CTSB: variants seen among roughly 807,000 people sequenced by gnomAD.
CTSB encodes the protein cathepsin B, also known as APP secretase.
CTSB carries 57 observed loss-of-function variants against 44.3 expected under a neutral mutation model. The ratio of observed to expected loss-of-function variants is 1.29; its 90% confidence interval spans 1.04 to 1.60. CTSB has a LOEUF of 1.60. Among genes scored for constraint, CTSB ranks in the 40% most tolerant of loss-of-function variants. The pLI is 0.00. For missense variants in CTSB, 768 were observed against 443.0 expected, an observed-to-expected ratio of 1.73 and a Z score of -6.59; for synonymous variants, 320 against 168.0, an observed-to-expected ratio of 1.91 and a Z score of -7.00.
In CTSB at chr8:11,846,005, G is replaced by T. The variant is rs1388516245; in HGVS notation, c.794-216C>A. ...CACTCAAAGTTGTTGAGTAAATATT[G>T]AAATAGATTCCTACAAAATGTGCTT... On this transcript the variant is annotated intron_variant, in intron 8 of 9. Transcript: ENST00000353047. 4.0e-5 allele frequency: 16 copies of T among 397,604 alleles called. No individual in the cohort carries two copies. The East Asian group carries it at 5.2e-4, about 13-fold the overall frequency. The allele number at this position is 397,604 out of a possible 1,614,324, so 24.6% of individuals were successfully genotyped here.
chr8:11,848,021 T>C (rs772968220), intron 6 of CTSB, 46 bp downstream of exon 6: 11 of 1,495,286 alleles, frequency 7.4e-6, no homozygotes, highest in Middle Eastern at 1.9e-4. Flanking sequence ...GGTTAATTGC[T>C]CAAACAATCC....
At chr8:11,855,601 A>T (rs1815368440) in intron 1 of CTSB, among the ~76,000 whole-genome samples, 1 of 152,232 alleles carries the variant, frequency 6.6e-6, no homozygotes, top group East Asian at 1.9e-4. Flanking sequence ...GTCTCTTTAA[A>T]ACAAAAACTG....
At position 11,847,137 on chromosome 8, in the gene CTSB, C is replaced by T; in HGVS notation, c.708G>A (p.Glu236=). Residue 236 remains glutamate, a synonymous_variant, in exon 8 of 10, where the codon GAG becomes GAA. Coordinates refer to ENST00000353047, the MANE Select transcript of CTSB (RefSeq NM_001908.5). ...GYNSYSVSNS[E]KDIMAEIYKN... Reference sequence around the variant, plus strand: ...TGTAGATCTCGGCCATGATGTCCTTCTCGCTATTGGAGACGCTGTAGGAAT... The same window carrying T: ...TGTAGATCTCGGCCATGATGTCCTTTTCGCTATTGGAGACGCTGTAGGAAT... 2 of 1,601,044 alleles carry T rather than the reference C, an allele frequency of 1.2e-6. No individual in the cohort carries two copies. Among genetic ancestry groups the T allele is most frequent in the South Asian group, 1.1e-5 (1 of 90,314 alleles).
In CTSB at chr8:11,852,681, G is replaced by T; in HGVS notation, c.141C>A (p.Phe47Leu). Residue 47 changes from phenylalanine to leucine, a missense_variant, in exon 3 of 10, where the codon TTC (phenylalanine) becomes TTA (leucine). Physicochemically the swap from Phe to Leu is conservative, Grantham distance 22. Transcript: ENST00000353047. Reference protein sequence around the residue: ...RNTTWQAGHNFYNVDMSYLKR... With the variant: ...RNTTWQAGHNLYNVDMSYLKR... ...TCAAGTAGCTCATGTCCACGTTGTA[G>T]AAGTTGTGCCCGGCCTGGAAGAGAG... 1 of 1,614,060 alleles carries T rather than the reference G, an allele frequency of 6.2e-7. No homozygotes were observed. Among genetic ancestry groups the T allele is most frequent in the Non-Finnish European group, 8.5e-7 (1 of 1,180,040 alleles).
In CTSB at chr8:11,849,335, G is replaced by A. The variant is rs2131023179; in HGVS notation, c.328-171C>T. On this transcript the variant is annotated intron_variant, in intron 4 of 9. Transcript: ENST00000353047. ...AGCTTTTATTTTCTTTGGTAGAAATGGGGTCTTGCTACGTTGGCCAGACTG... is the reference window on the plus strand; with the variant it reads ...AGCTTTTATTTTCTTTGGTAGAAATAGGGTCTTGCTACGTTGGCCAGACTG... 9.7e-6 allele frequency: 5 copies of A among 513,116 alleles called. No individual in the cohort carries two copies. In the East Asian group the frequency reaches 1.0e-4, roughly 11 times the overall value. 31.8% of individuals were successfully genotyped at this position (513,116 alleles called of 1,614,324 possible). A position where few individuals can be genotyped will look rare whatever the true frequency, so the allele number is the denominator to read the frequency against.
rs1036505646 is a variant in CTSB, at chr8:11,848,969, A to G, written c.446+77T>C. The G allele has an allele frequency of 5.5e-6, 6 of 1,090,696 alleles. No individual in the cohort carries two copies. The African/African-American group carries it at 9.3e-5, about 17-fold the overall frequency. The allele number at this position is 1,090,696 out of a possible 1,614,324, so 67.6% of individuals were successfully genotyped here. The stretch of plus-strand genomic sequence containing the variant: ...CTCGCAGCAGTCCCAGGAAGTCCTC[A>G]AAGTCCCCTCCACTGAGAAGCTGGG... On this transcript the variant is annotated intron_variant, in intron 5 of 9. Transcript: ENST00000353047.
Position 11,852,671 on chromosome 8 carries a change from C to G in CTSB, c.151G>C (p.Asp51His), listed in dbSNP as rs1814807954. ...WQAGHNFYNVDMSYLKRLCGT... is the reference protein window; with the variant it reads ...WQAGHNFYNVHMSYLKRLCGT... Reference sequence around the variant, plus strand: ...CATAGCCTCTTCAAGTAGCTCATGTCCACGTTGTAGAAGTTGTGCCCGGCC... The same window carrying G: ...CATAGCCTCTTCAAGTAGCTCATGTGCACGTTGTAGAAGTTGTGCCCGGCC... Residue 51 changes from aspartate (D) to histidine (H), a missense_variant, in exon 3 of 10, where the codon GAC becomes CAC. Coordinates refer to ENST00000353047, the MANE Select transcript of CTSB (RefSeq NM_001908.5). The G allele has an allele frequency of 6.2e-7, 1 of 1,614,084 alleles. No homozygotes were observed. The highest frequency in any genetic ancestry group is 8.5e-7 in the Non-Finnish European group (1 of 1,180,032).
At chr8:11,864,317 C>CGAA (rs1563438120) in intron 1 of CTSB, 2 of 12,742 alleles carry the variant, frequency 1.6e-4, no homozygotes, top group Non-Finnish European at 3.4e-4. Flanking sequence ...TCTCTACCAA[C>CGAA]GAAAAAAAAA....
In CTSB at chr8:11,845,232, A is replaced by C. The variant is rs1173792924; in HGVS notation, c.923-10T>G. On this transcript the variant is annotated splice_polypyrimidine_tract_variant and intron_variant, in intron 9 of 9. Transcript: ENST00000353047. ...AGTATTTTAAAGAAGCCTGGGAATA[A>C]AAAGTAAGGTGCTTTTAAAGTGTGA... 10 of 1,599,316 alleles carry C rather than the reference A, an allele frequency of 6.3e-6. No individual in the cohort carries two copies. Among genetic ancestry groups the C allele is most frequent in the Non-Finnish European group, 7.7e-6 (9 of 1,166,782 alleles).
At chr8:11,858,190 C>T (rs1164137105) in intron 1 of CTSB, among the ~76,000 whole-genome samples, 1 of 152,238 alleles carries the variant, frequency 6.6e-6, no homozygotes, top group Non-Finnish European at 1.5e-5. Flanking sequence ...CTCCAGCGGG[C>T]TCTGTTCCCT....
At chr8:11,855,175 T>C (rs1405695137) in intron 1 of CTSB, among the ~76,000 whole-genome samples, 1 of 152,076 alleles carries the variant, frequency 6.6e-6, no homozygotes, top group Non-Finnish European at 1.5e-5. Flanking sequence ...GCATGTGCCA[T>C]CATGCCCAGC....
intron 1 of CTSB, among the ~76,000 whole-genome samples, chr8:11,856,796 C>T (rs17814426): frequency 0.54 from 82,234 of 151,210 alleles, 22,345 homozygotes; most frequent in African/African-American, 0.57. Context: ...AAGGAAGATG[C>T]ACGGCAGTCG....
At position 11,848,447 on chromosome 8, in the gene CTSB, C is replaced by G. The variant is rs531734045; in HGVS notation, c.447-295G>C. 974 of 513,296 alleles carry G rather than the reference C, an allele frequency of 1.9e-3. 3 individuals are homozygous for G. The highest frequency in any genetic ancestry group is 2.7e-3 in the Admixed American group (98 of 35,974). 31.8% of individuals were successfully genotyped at this position (513,296 alleles called of 1,614,324 possible). A position where few individuals can be genotyped will look rare whatever the true frequency, so the allele number is the denominator to read the frequency against. On this transcript the variant is annotated intron_variant, in intron 5 of 9. Coordinates refer to ENST00000353047, the MANE Select transcript of CTSB (RefSeq NM_001908.5). ...TACGAGTGCCCTTCCGGGTAGAACA[C>G]TGATTCTCAACTGAGCAGACGCTAA...
rs1813030169 is a variant in CTSB at position 11,845,166 on chromosome 8, C to T, written c.979G>A (p.Ala327Thr). ...TACTGATCGGTGCGTGGAATTCCAG[C>T]CACCACTTCTGATTCGATTCCACAG... The part of the protein sequence containing the change: ...DHCGIESEVV[A>T]GIPRTDQYWE... The change falls in exon 10 of 10, where the codon GCT becomes ACT. Residue 327 changes from alanine to threonine, a missense_variant. By Grantham distance (58) the Ala-to-Thr change is moderately conservative. Transcript: ENST00000353047. 6.2e-7 allele frequency: 1 copy of T among 1,613,980 alleles called. No homozygotes were observed. The highest frequency in any genetic ancestry group is 8.5e-7 in the Non-Finnish European group (1 of 1,179,962).
Position 11,853,809 on chromosome 8 carries a change from G to C in CTSB, c.-25-330C>G, listed in dbSNP as rs191939363. 38 of 212,454 alleles carry C rather than the reference G, an allele frequency of 1.8e-4. No homozygotes were observed. The East Asian group carries it at 4.3e-3, about 24-fold the overall frequency. The allele number at this position is 212,454 out of a possible 1,614,324, so 13.2% of individuals were successfully genotyped here. ...AGAACAGCTTGAGACACTTTCCCAA[G>C]TGAGTGATATGAAACAGTTAAGAGC... On this transcript the variant is annotated intron_variant, in intron 1 of 9. Coordinates refer to ENST00000353047, the MANE Select transcript of CTSB (RefSeq NM_001908.5).
intron 8 of CTSB, 89 bp from the exon 9 acceptor site, chr8:11,845,878 G>A (rs543236825): frequency 2.2e-5 from 32 of 1,443,460 alleles, no homozygotes; most frequent in Middle Eastern, 4.1e-4. Context: ...CATGCTCCGG[G>A]AAGGAGAAAC....
intron 5 of CTSB, 27 bp from the exon 6 acceptor site, chr8:11,848,179 C>A (rs1313877876): frequency 1.6e-5 from 25 of 1,600,840 alleles, no homozygotes; most frequent in Non-Finnish European, 2.0e-5. Context: ...TAATGAAAAC[C>A]TCTGAGAGAA....
chr8:11,853,780 T>G (rs1815035326), intron 1 of CTSB: 2 of 265,868 alleles, frequency 7.5e-6, no homozygotes, highest in South Asian at 7.2e-5. Context: ...TTGCATGGAT[T>G]TGTAGAACAG....
intron 1 of CTSB, 28 bp from the exon 2 acceptor site, chr8:11,853,507 CCTCT>C (rs1250443310): frequency 4.4e-6 from 7 of 1,588,824 alleles, no homozygotes; most frequent in East Asian, 2.3e-5. Context: ...CATCAGGACA[CCTCT>C]CTGTTATGTG....
Sources: allele counts gnomAD v4.1 joint callset (sites outside exome capture counted in the v4.1 genomes callset), GRCh38; gene constraint gnomAD v4.1.1; transcripts MANE v1.5; gene names NCBI Gene and HGNC (gene_info 2026-07-23, HGNC 2026-07-21).